ITIH2: variants seen among roughly 807,000 people sequenced by gnomAD.
ITIH2 encodes the protein inter-alpha-trypsin inhibitor heavy chain 2, also known as inter-alpha-trypsin inhibitor heavy chain H2.
A neutral mutation model predicts 104.4 loss-of-function variants in ITIH2; 103 were observed. The ratio of observed to expected loss-of-function variants is 0.99; its 90% CI spans 0.84 to 1.16. ITIH2 has a LOEUF of 1.16. ITIH2 is among the 50% of genes most tolerant of loss of function. The pLI is 0.00. For synonymous variants in ITIH2, 436 were observed against 435.4 expected (o/e 1.00, Z -0.02); for missense variants, 1,108 against 1,162.4 (o/e 0.95, Z 0.68).
intron 19 of ITIH2, among the ~76,000 whole-genome samples, chr10:7,746,137 C>G (rs923244110): frequency 4.6e-5 from 6 of 129,872 alleles, no homozygotes; most frequent in African/African-American, 1.7e-4. Flanking sequence ...AATCCCAGCA[C>G]TTTGGGAGGC....
intron 18 of ITIH2, 85 bp from the exon 19 acceptor site, chr10:7,744,699 GGAGTGAA>G: frequency 9.9e-7 from 1 of 1,014,938 alleles, no homozygotes; most frequent in South Asian, 1.7e-5. Flanking sequence ...TTGTCTGGGA[GGAGTGAA>G]GAGTTCATAT....
At chr10:7,717,587 A>C in intron 5 of ITIH2, 39 bp from the exon 6 acceptor site, 1 of 1,595,244 alleles carries the variant, frequency 6.3e-7, no homozygotes, top group South Asian at 1.1e-5. Flanking sequence ...CTGCTCAATC[A>C]TGTATCTGTT....
chr10:7,716,082 C>T lies in ITIH2; in HGVS notation c.468-1544C>T, dbSNP rs1434402451. ...TCACTGCAACCTCCACCTCCCAGGTCTAAGCAATTCTCCCCTCTCAGCCTC... is the reference window on the plus strand; with the variant it reads ...TCACTGCAACCTCCACCTCCCAGGTTTAAGCAATTCTCCCCTCTCAGCCTC... On this transcript the variant is annotated intron_variant, in intron 5 of 20. Transcript: ENST00000358415. Among the ~76,000 whole-genome samples the T allele has an allele frequency of 2.0e-5, 3 of 152,078 alleles. No homozygotes were observed. In the East Asian group the frequency reaches 5.8e-4, roughly 29 times the overall value.
chr10:7,720,883 G>A lies in ITIH2; in HGVS notation c.658G>A (p.Gly220Arg). The change falls in exon 7 of 21, where the codon GGA (glycine) becomes AGA (arginine). Residue 220 changes from glycine to arginine, a missense_variant. Coordinates refer to ENST00000358415, the MANE Select transcript of ITIH2 (RefSeq NM_002216.3). Reference protein sequence around the residue: ...EVDVWVIEPQGLRFLHVPDTF... With the variant: ...EVDVWVIEPQRLRFLHVPDTF... ...AGATGTGTGGGTTATCGAACCACAG[G>A]GACTGAGATTTCTTCATGTTCCCGA... The A allele has an allele frequency of 6.2e-7, 1 of 1,612,972 alleles. No individual in the cohort carries two copies. Among genetic ancestry groups the A allele is most frequent in the South Asian group, 1.1e-5 (1 of 91,048 alleles).
chr10:7,721,610 G>T (rs767224831), intron 7 of ITIH2, 39 bp from the exon 8 acceptor site: 18 of 1,599,904 alleles, frequency 1.1e-5, no homozygotes, highest in Admixed American at 3.4e-5. Flanking sequence ...ACTGGGAAGG[G>T]GCTAGAGGCA....
chr10:7,723,427 T>C (rs2274457), intron 8 of ITIH2, 24 bp from the exon 9 acceptor site: 27,049 of 1,425,840 alleles, frequency 0.019, 447 homozygotes, highest in South Asian at 0.05. Flanking sequence ...ATGATTTGAC[T>C]CACAAATACC....
rs866370214 is a variant in ITIH2 at position 7,737,771 on chromosome 10, A to T, written c.1958-850A>T. Among the ~76,000 whole-genome samples, 25 of 15,262 alleles carry T rather than the reference A, an allele frequency of 1.6e-3. 9 individuals carry two copies. Among genetic ancestry groups the T allele is most frequent in the African/African-American group, 3.4e-3 (13 of 3,860 alleles). 10.0% of individuals were successfully genotyped at this position (15,262 alleles called of 152,430 possible). On this transcript the variant is annotated intron_variant, in intron 15 of 20. Coordinates refer to ENST00000358415, the MANE Select transcript of ITIH2 (RefSeq NM_002216.3). ...TAATATTCTATATTATATTCTATATAATATTCTATATTATATTCTATATAA... is the reference window on the plus strand; with the variant it reads ...TAATATTCTATATTATATTCTATATTATATTCTATATTATATTCTATATAA...
intron 9 of ITIH2, among the ~76,000 whole-genome samples, chr10:7,725,410 T>C (rs571736627): frequency 6.6e-6 from 1 of 152,030 alleles, no homozygotes; most frequent in Non-Finnish European, 1.5e-5. Flanking sequence ...GAGATGCCAG[T>C]AGAGAGGGGC....
chr10:7,719,116 G>T (rs533410995), intron 6 of ITIH2, among the ~76,000 whole-genome samples: 1 of 152,156 alleles, frequency 6.6e-6, no homozygotes, highest in African/African-American at 2.4e-5. Context: ...TGAATTGCCC[G>T]GAGACACGGG....
intron 11 of ITIH2, 65 bp downstream of exon 11, chr10:7,727,893 G>T: frequency 2.5e-6 from 4 of 1,570,236 alleles, no homozygotes; most frequent in Non-Finnish European, 2.6e-6. Flanking sequence ...ATGGTGGTTT[G>T]CCTAAAAGGG....
intron 12 of ITIH2, among the ~76,000 whole-genome samples, chr10:7,731,110 G>C (rs1004822598): frequency 6.6e-6 from 1 of 151,946 alleles, no homozygotes; most frequent in East Asian, 1.9e-4. Flanking sequence ...GAAGAGACAG[G>C]GTTTACCATG....
rs553956034 is a variant in ITIH2, at chr10:7,715,477, C to A, written c.468-2149C>A. ...CATCATTTTGACCACATCACCCATT[C>A]ATTTATTTGTTTATCCATCACACAA... On this transcript the variant is annotated intron_variant, in intron 5 of 20. Transcript: ENST00000358415. Among the ~76,000 whole-genome samples the A allele has an allele frequency of 2.0e-5, 3 of 152,210 alleles. No homozygotes were observed. In the East Asian group the frequency reaches 5.8e-4, roughly 29 times the overall value.
intron 18 of ITIH2, 25 bp downstream of exon 18, chr10:7,744,305 G>C (rs1264814823): frequency 6.3e-7 from 1 of 1,591,282 alleles, no homozygotes; most frequent in South Asian, 1.1e-5. Flanking sequence ...ATCTGAACTT[G>C]GGCCTGTCCG....
At chr10:7,723,027 C>A (rs1251552639) in intron 8 of ITIH2, among the ~76,000 whole-genome samples, 2 of 108,132 alleles carry the variant, frequency 1.8e-5, no homozygotes, top group Non-Finnish European at 3.9e-5. Context: ...GAGTGGCGTG[C>A]AGTGGAGTGG....
intron 20 of ITIH2, among the ~76,000 whole-genome samples, chr10:7,748,218 ATATACATATATAAATAAATATATG>A (rs1167573513): frequency 8.0e-6 from 1 of 124,414 alleles, no homozygotes; most frequent in Admixed American, 9.3e-5. Context: ...ATATATTTAT[ATATACATATATAAATAAATATATG>A]TATACATATA....
At chr10:7,723,991 T>G (rs1001405984) in intron 9 of ITIH2, among the ~76,000 whole-genome samples, 1 of 152,228 alleles carries the variant, frequency 6.6e-6, no homozygotes, top group Non-Finnish European at 1.5e-5. Context: ...TGTCCACATA[T>G]GACTATTGAT....
chr10:7,732,631 C>T (rs12247903), intron 14 of ITIH2, among the ~76,000 whole-genome samples, 154 bp downstream of exon 14: 50,042 of 152,114 alleles, frequency 0.33, 9,157 homozygotes, highest in African/African-American at 0.5. Flanking sequence ...CTGAACACTT[C>T]AGAGAAAGCT....
Position 7,723,534 on chromosome 10 carries a change from G to C in ITIH2, c.951G>C (p.Val317=). The C allele has an allele frequency of 6.2e-7, 1 of 1,613,792 alleles. No homozygotes were observed. Among genetic ancestry groups the C allele is most frequent in the South Asian group, 1.1e-5 (1 of 91,066 alleles). ...IPKNILFVID[V]SGSMWGVKMK... ...AAAACATCCTCTTTGTCATCGATGTGAGTGGCTCCATGTGGGGAGTTAAAA... is the reference window on the plus strand; with the variant it reads ...AAAACATCCTCTTTGTCATCGATGTCAGTGGCTCCATGTGGGGAGTTAAAA... The change falls in exon 9 of 21, where the codon GTG becomes GTC. Residue 317 remains valine (V), a synonymous_variant. Transcript: ENST00000358415.
chr10:7,743,370 T>C, intron 17 of ITIH2, 111 bp downstream of exon 17: 1 of 613,720 alleles, frequency 1.6e-6, no homozygotes, highest in East Asian at 3.0e-5. Context: ...TATATTTCAG[T>C]GATATTAGTG....
Sources: gnomAD v4.1 joint callset for allele counts (sites outside exome capture counted in the v4.1 genomes callset) on GRCh38, gnomAD v4.1.1 for gene constraint, MANE v1.5 for transcripts, NCBI Gene and HGNC (gene_info 2026-07-23, HGNC 2026-07-21) for gene names.